Variants in BIRC6 observed in about 807,000 individuals in gnomAD.
BIRC6 encodes baculoviral IAP repeat containing 6, also known as dual E2 ubiquitin-conjugating enzyme/E3 ubiquitin-protein ligase BIRC6.
A neutral mutation model predicts 503.3 loss-of-function variants in BIRC6; 98 were observed. The ratio of observed to expected loss-of-function variants is 0.19; its 90% confidence interval spans 0.17 to 0.23. BIRC6 has a LOEUF of 0.23. Among genes scored for constraint, BIRC6 ranks in the 10% least tolerant of loss-of-function variants. The pLI, the probability that BIRC6 is intolerant of heterozygous loss-of-function variation, is 1.00. For missense variants in BIRC6, 5,360 were observed against 5,806.0 expected (o/e 0.92, Z 2.50); for synonymous variants, 2,240 against 2,078.7 (o/e 1.08, Z -2.11).
intron 10 of BIRC6, among the ~76,000 whole-genome samples, chr2:32,426,218 A>G (rs530392669): frequency 2.0e-5 from 3 of 152,310 alleles, no homozygotes; most frequent in African/African-American, 7.2e-5. Context: ...AATACAATCT[A>G]CTTCAGAATA....
At chr2:32,486,976 T>C (rs2051065933) in intron 40 of BIRC6, among the ~76,000 whole-genome samples, 1 of 152,084 alleles carries the variant, frequency 6.6e-6, no homozygotes, top group Non-Finnish European at 1.5e-5. Context: ...AAAGCACTTA[T>C]TAGAATATCT....
chr2:32,379,884 C>G (rs935777462), intron 2 of BIRC6, among the ~76,000 whole-genome samples: 16 of 151,936 alleles, frequency 1.1e-4, no homozygotes, highest in African/African-American at 3.9e-4. Flanking sequence ...GTCCATTTTT[C>G]TATCTTGATT....
At chr2:32,476,602 T>C (rs545601483) in intron 34 of BIRC6, among the ~76,000 whole-genome samples, 1 of 152,290 alleles carries the variant, frequency 6.6e-6, no homozygotes, top group South Asian at 2.1e-4. Flanking sequence ...ATGTATAGTT[T>C]TGCTAATGTG....
chr2:32,438,819 C>T (rs2045056331), intron 15 of BIRC6, among the ~76,000 whole-genome samples: 1 of 152,126 alleles, frequency 6.6e-6, no homozygotes, highest in East Asian at 1.9e-4. Flanking sequence ...CTCACCCTCC[C>T]AAAGTGCTGG....
intron 23 of BIRC6, among the ~76,000 whole-genome samples, chr2:32,455,379 CAAAAAAAAAA>C (rs758202958): frequency 3.4e-5 from 3 of 88,726 alleles, no homozygotes; most frequent in East Asian, 3.4e-4. Context: ...ACTCTGTCTC[CAAAAAAAAAA>C]AAAAAAAAAA....
intron 65 of BIRC6, among the ~76,000 whole-genome samples, chr2:32,572,086 G>C (rs1378922514): frequency 7.2e-5 from 11 of 152,138 alleles, no homozygotes; most frequent in Admixed American, 5.9e-4. Context: ...GTCTTGAGAA[G>C]ATACTTGATA....
chr2:32,607,027 T>A (rs1169464766), intron 71 of BIRC6, among the ~76,000 whole-genome samples: 5 of 146,872 alleles, frequency 3.4e-5, no homozygotes, highest in East Asian at 4.0e-4. Flanking sequence ...AAAAAAAAAA[T>A]AGTACATGGC....
At chr2:32,535,705 C>T (rs984239147) in intron 61 of BIRC6, among the ~76,000 whole-genome samples, 1 of 152,178 alleles carries the variant, frequency 6.6e-6, no homozygotes, top group African/African-American at 2.4e-5. Context: ...CAGTCTATCA[C>T]TGTTGGACAT....
intron 7 of BIRC6, 27 bp downstream of exon 7, chr2:32,401,412 T>C (rs200372255): frequency 1.2e-6 from 2 of 1,612,684 alleles, no homozygotes; most frequent in East Asian, 2.2e-5. Flanking sequence ...AAGTAACAAA[T>C]TAGTAATTGA....
At chr2:32,483,136 C>T (rs1379122479) in intron 39 of BIRC6, among the ~76,000 whole-genome samples, 1 of 151,840 alleles carries the variant, frequency 6.6e-6, no homozygotes, top group Non-Finnish European at 1.5e-5. Context: ...AGGCTGGTCT[C>T]GAACTTGTGA....
intron 65 of BIRC6, among the ~76,000 whole-genome samples, chr2:32,551,449 A>G (rs2058417092): frequency 6.6e-6 from 1 of 151,996 alleles, no homozygotes; most frequent in African/African-American, 2.4e-5. Context: ...TGCCCGGCTA[A>G]TTTTTGTATT....
At chr2:32,589,479 T>C (rs2061269690) in intron 66 of BIRC6, among the ~76,000 whole-genome samples, 2 of 152,184 alleles carry the variant, frequency 1.3e-5, no homozygotes, top group African/African-American at 4.8e-5. Flanking sequence ...TCTAGCACTT[T>C]AGTTAAAAAA....
Position 32,510,654 on chromosome 2 carries a change from T to G in BIRC6, c.10346+20T>G, listed in dbSNP as rs758219156. 9.6e-6 allele frequency: 14 copies of G among 1,461,566 alleles called. No individual in the cohort carries two copies. Among genetic ancestry groups the G allele is most frequent in the Non-Finnish European group, 1.3e-5 (14 of 1,044,512 alleles). The allele number at this position is 1,461,566 out of a possible 1,614,324, so 90.5% of individuals were successfully genotyped here. The stretch of plus-strand genomic sequence containing the variant: ...AGACAGGTACGATTTTATTTTTCAT[T>G]TAATTAAGCACACACATGCACATAA... On this transcript the variant is annotated intron_variant, in intron 53 of 73. Transcript: ENST00000421745.
intron 59 of BIRC6, chr2:32,528,106 C>T (rs2056432566): frequency 1.3e-5 from 2 of 152,298 alleles, no homozygotes; most frequent in Non-Finnish European, 2.9e-5. Flanking sequence ...ACTTCCTGGT[C>T]CCTCAGCTGC....
Position 32,584,122 on chromosome 2 carries a change from C to T in BIRC6, c.13355+8756C>T, listed in dbSNP as rs191420315. 2.1e-3 allele frequency among the ~76,000 whole-genome samples: 316 copies of T among 152,222 alleles called. 2 individuals are homozygous for T. The highest frequency in any genetic ancestry group is 7.4e-3 in the African/African-American group (307 of 41,520). On this transcript the variant is annotated intron_variant, in intron 66 of 73. Coordinates refer to ENST00000421745, the MANE Select transcript of BIRC6 (RefSeq NM_016252.4). ...GTGCGGTGGCTTACACCTGTAATCC[C>T]AGCATGTTGGGAGGTTGAGGTGAGA...
At chr2:32,597,573 C>T (rs1035525114) in intron 68 of BIRC6, among the ~76,000 whole-genome samples, 178 bp from the exon 69 acceptor site, 2 of 152,124 alleles carry the variant, frequency 1.3e-5, no homozygotes, top group Non-Finnish European at 2.9e-5. Context: ...TCTGGCAGTG[C>T]TAATCCATCT....
At chr2:32,441,305 T>C (rs1462117182) in intron 16 of BIRC6, 24 bp from the exon 17 acceptor site, 1 of 1,397,312 alleles carries the variant, frequency 7.2e-7, no homozygotes, top group East Asian at 2.5e-5. Context: ...TTTTTTAAAA[T>C]TCATTATTAT....
rs116277568 is a variant in BIRC6, at chr2:32,586,388, T to G, written c.13356-7527T>G. ...TGAGCTTTATGTTTCACGACAGTTT[T>G]CACTGTATTATCTCAGACAAAATCT... is the stretch of plus-strand genomic sequence containing the variant. On this transcript the variant is annotated intron_variant, in intron 66 of 73. Transcript: ENST00000421745. Among the ~76,000 whole-genome samples the G allele has an allele frequency of 4.1e-3, 627 of 151,556 alleles. 1 individual carries two copies. Among genetic ancestry groups the G allele is most frequent in the African/African-American group, 0.015 (602 of 41,314 alleles).
chr2:32,489,644 A>G (rs1032048214), intron 42 of BIRC6, among the ~76,000 whole-genome samples: 1 of 152,054 alleles, frequency 6.6e-6, no homozygotes, highest in African/African-American at 2.4e-5. Flanking sequence ...AAAAAAATAC[A>G]AAAATTAGCC....
Sources: allele counts gnomAD v4.1 joint callset (sites outside exome capture counted in the v4.1 genomes callset), GRCh38; gene constraint gnomAD v4.1.1; transcripts MANE v1.5; gene names NCBI Gene and HGNC (gene_info 2026-07-23, HGNC 2026-07-21).